Variants in METTL6 observed in about 807,000 individuals in gnomAD.
METTL6 encodes tRNA N(3)-cytidine methyltransferase METTL6.
Under a neutral mutation model 26.4 loss-of-function variants are expected in METTL6, and 22 were observed. That is an observed-to-expected ratio of 0.83 (90% CI 0.59 to 1.19). The LOEUF (loss-of-function observed/expected upper bound fraction) is 1.19. Ranked by LOEUF, METTL6 falls within the 50% of genes most tolerant of loss-of-function variation. The pLI is 0.00. For missense variants in METTL6, 304 were observed against 324.8 expected (o/e 0.94, Z 0.49); for synonymous variants, 109 against 116.2 (o/e 0.94, Z 0.40).
chr3:15,414,358 T>A (rs1241695964), intron 4 of METTL6, 196 bp from the exon 5 acceptor site: 36 of 65,258 alleles, frequency 5.5e-4, no homozygotes, highest in Non-Finnish European at 6.6e-4. Context: ...AAGACACTTC[T>A]TTTTTTTTTT....
chr3:15,416,259 GT>G (rs781657853), intron 3 of METTL6, among the ~76,000 whole-genome samples: 2 of 151,950 alleles, frequency 1.3e-5, no homozygotes, highest in African/African-American at 4.8e-5. Context: ...GCTTCTTTTT[GT>G]TTTTTAAAGA....
Position 15,414,073 on chromosome 3 carries a change from T to G in METTL6, c.621A>C (p.Gly207=), listed in dbSNP as rs1192635649. 2 of 1,614,066 alleles carry G rather than the reference T, an allele frequency of 1.2e-6. No individual in the cohort carries two copies. The highest frequency in any genetic ancestry group is 2.7e-5 in the African/African-American group (2 of 74,916). Residue 207 remains glycine, a synonymous_variant, in exon 5 of 6, where the codon GGA becomes GGC. Coordinates refer to ENST00000383790, the MANE Select transcript of METTL6 (RefSeq NM_152396.4). The part of the protein sequence containing the change: ...MLRFKASSKL[G]ENFYVRQDGT... ...CATCTTGTCTAACATAAAAGTTTTCTCCAAGTTTGCTGCTGGCTTTAAACC... is the reference window on the plus strand; with the variant it reads ...CATCTTGTCTAACATAAAAGTTTTCGCCAAGTTTGCTGCTGGCTTTAAACC...
downstream of METTL6, among the ~76,000 whole-genome samples, chr3:15,406,684 T>G (rs1699811354): frequency 7.0e-6 from 1 of 143,496 alleles, no homozygotes; most frequent in African/African-American, 2.6e-5. Context: ...TCTCACTCTG[T>G]TGCCCAGGCT....
At chr3:15,420,831 A>G (rs1047422071) in intron 3 of METTL6, among the ~76,000 whole-genome samples, 1 of 152,232 alleles carries the variant, frequency 6.6e-6, no homozygotes, top group Non-Finnish European at 1.5e-5. Context: ...AGTCCCCTCT[A>G]AGCACTACAA....
intron 6 of METTL6, among the ~76,000 whole-genome samples, chr3:15,398,958 C>T (rs1699564406): frequency 6.6e-6 from 1 of 152,084 alleles, no homozygotes; most frequent in South Asian, 2.1e-4. Flanking sequence ...AAAGACCTTG[C>T]TGATAAAAGG....
intron 3 of METTL6, among the ~76,000 whole-genome samples, chr3:15,422,392 G>A (rs1378382220): frequency 3.3e-5 from 5 of 152,130 alleles, no homozygotes; most frequent in Non-Finnish European, 7.4e-5. Flanking sequence ...ACTTTGGGAG[G>A]CCAAGGCAGG....
Position 15,426,650 on chromosome 3 carries a change from G to A in METTL6, c.-124-15C>T, listed in dbSNP as rs554747328. The A allele has an allele frequency of 4.1e-6, 3 of 735,810 alleles. No individual in the cohort carries two copies. The highest frequency in any genetic ancestry group is 6.7e-6 in the Non-Finnish European group (3 of 450,468). The allele number at this position is 735,810 out of a possible 1,614,324, so 45.6% of individuals were successfully genotyped here. A position where few individuals can be genotyped will look rare whatever the true frequency, so the allele number is the denominator to read the frequency against. On this transcript the variant is annotated splice_polypyrimidine_tract_variant and intron_variant, in intron 1 of 5. Coordinates refer to ENST00000383790, the MANE Select transcript of METTL6 (RefSeq NM_152396.4). ...AGCACAGGGGGCTTCGCAGAGAAAAGAATTAGATTCTGGTTAGTGGTTACA... is the reference window on the plus strand; with the variant it reads ...AGCACAGGGGGCTTCGCAGAGAAAAAAATTAGATTCTGGTTAGTGGTTACA...
At chr3:15,396,003 G>A (rs1196812518) in intron 6 of METTL6, among the ~76,000 whole-genome samples, 3 of 152,098 alleles carry the variant, frequency 2.0e-5, no homozygotes, top group Non-Finnish European at 4.4e-5. Context: ...GAGTATCTTT[G>A]TGGTGTTCTC....
intron 6 of METTL6, among the ~76,000 whole-genome samples, chr3:15,400,959 C>T (rs1162192037): frequency 6.6e-6 from 1 of 152,112 alleles, no homozygotes; most frequent in Non-Finnish European, 1.5e-5. Flanking sequence ...CCTACCCAGG[C>T]TCAGGTGATC....
intron 6 of METTL6, among the ~76,000 whole-genome samples, chr3:15,398,011 A>G (rs1699538398): frequency 6.6e-6 from 1 of 151,926 alleles, no homozygotes; most frequent in African/African-American, 2.4e-5. Flanking sequence ...CCACATCCCT[A>G]TGATTGCACC....
At chr3:15,388,235 T>C (rs1699250554) in intron 6 of METTL6, among the ~76,000 whole-genome samples, 1 of 152,080 alleles carries the variant, frequency 6.6e-6, no homozygotes. Context: ...CTCAGCCTAC[T>C]GAGTAGCTGG....
Position 15,426,572 on chromosome 3 carries a change from A to G in METTL6, c.-61T>C, listed in dbSNP as rs1253172107. The stretch of plus-strand genomic sequence containing the variant: ...GATTCTCCATCACCAAATAATATGA[A>G]TCCACGCTAATGGATCAGATACATT... On this transcript the variant is annotated 5_prime_UTR_variant, in exon 2 of 6. Coordinates refer to ENST00000383790, the MANE Select transcript of METTL6 (RefSeq NM_152396.4). 2 of 1,431,074 alleles carry G rather than the reference A, an allele frequency of 1.4e-6. No individual in the cohort carries two copies. The highest frequency in any genetic ancestry group is 1.9e-6 in the Non-Finnish European group (2 of 1,028,488). The allele number at this position is 1,431,074 out of a possible 1,614,324, so 88.6% of individuals were successfully genotyped here.
At chr3:15,398,573 C>T (rs1289437088) in intron 6 of METTL6, among the ~76,000 whole-genome samples, 1 of 152,148 alleles carries the variant, frequency 6.6e-6, no homozygotes, top group Non-Finnish European at 1.5e-5. Context: ...CCAGGCCAGC[C>T]ACCATGGCTC....
At chr3:15,422,704 G>A (rs1419052852) in intron 3 of METTL6, among the ~76,000 whole-genome samples, 1 of 152,120 alleles carries the variant, frequency 6.6e-6, no homozygotes, top group Non-Finnish European at 1.5e-5. Context: ...AACTGTGAAA[G>A]GTTGATGGGG....
intron 6 of METTL6, among the ~76,000 whole-genome samples, chr3:15,400,057 A>G (rs972889183): frequency 5.9e-5 from 9 of 152,158 alleles, no homozygotes; most frequent in African/African-American, 1.9e-4. Context: ...GAAAAATCAT[A>G]TCACAGGAAG....
chr3:15,386,022 G>C (rs1453422942), intron 6 of METTL6, among the ~76,000 whole-genome samples: 1 of 152,182 alleles, frequency 6.6e-6, no homozygotes, highest in Non-Finnish European at 1.5e-5. Flanking sequence ...ACAAAAGAAT[G>C]GCTCCTCCAT....
chr3:15,389,000 T>C (rs1314976470), intron 6 of METTL6, among the ~76,000 whole-genome samples: 2 of 151,872 alleles, frequency 1.3e-5, no homozygotes, highest in Non-Finnish European at 2.9e-5. Context: ...GCTGTGACTA[T>C]AGGCATATGC....
intron 6 of METTL6, among the ~76,000 whole-genome samples, chr3:15,401,717 G>A (rs1699652135): frequency 6.6e-6 from 1 of 152,060 alleles, no homozygotes; most frequent in South Asian, 2.1e-4. Context: ...TATTAGCATG[G>A]TAAAACACAT....
intron 1 of METTL6, 123 bp from the exon 2 acceptor site, chr3:15,426,758 TCA>T: frequency 1.9e-6 from 1 of 530,702 alleles, no homozygotes; most frequent in East Asian, 3.1e-5. Flanking sequence ...ATATGAGAGG[TCA>T]CAAAGAAGAC....
Sources: allele counts gnomAD v4.1 joint callset (sites outside exome capture counted in the v4.1 genomes callset), GRCh38; gene constraint gnomAD v4.1.1; transcripts MANE v1.5; gene names NCBI Gene and HGNC (gene_info 2026-07-23, HGNC 2026-07-21).